The following OR8G5 variants were observed in gnomAD, a reference collection of about 807,000 sequenced individuals.
The protein encoded by OR8G5 is olfactory receptor 8G5.
For missense variants in OR8G5, 347 were observed against 371.9 expected (o/e 0.93, Z 0.55); for synonymous variants, 147 against 147.7 (o/e 1.00, Z 0.03).
intron 1 of OR8G5, among the ~76,000 whole-genome samples, chr11:124,262,686 CACAT>C (rs758856928): frequency 1.3e-5 from 2 of 151,804 alleles, no homozygotes; most frequent in Non-Finnish European, 2.9e-5. Context: ...CACACACACA[CACAT>C]ACACACACAC....
intron 1 of OR8G5, among the ~76,000 whole-genome samples, chr11:124,264,249 C>T (rs1397207106): frequency 6.6e-6 from 1 of 152,134 alleles, no homozygotes; most frequent in Non-Finnish European, 1.5e-5. Context: ...AATTTGAATA[C>T]AAGCACTTTG....
rs1861914802 is a variant in OR8G5, at chr11:124,256,508, G to T, written c.-141G>T. On this transcript the variant is annotated 5_prime_UTR_variant, in exon 1 of 2. It adds an upstream start codon to the 5' untranslated region. Transcript: ENST00000641992. ...AGATGTCTTGTGCTTTGCAGTCTCA[G>T]GACTAAAGACTACAGAACGCTGGCT... 1 of 152,168 alleles carries T rather than the reference G, an allele frequency of 6.6e-6. No individual in the cohort carries two copies. Among genetic ancestry groups the T allele is most frequent in the African/African-American group, 2.4e-5 (1 of 41,426 alleles). 9.4% of individuals were successfully genotyped at this position (152,168 alleles called of 1,614,324 possible).
chr11:124,260,270 C>T (rs910736173), intron 1 of OR8G5, among the ~76,000 whole-genome samples: 10 of 151,816 alleles, frequency 6.6e-5, no homozygotes, highest in African/African-American at 1.2e-4. Flanking sequence ...CTTTTGCAGC[C>T]GCTTGGATGA....
intron 1 of OR8G5, among the ~76,000 whole-genome samples, chr11:124,259,835 T>C (rs903020560): frequency 1.4e-4 from 21 of 152,082 alleles, no homozygotes; most frequent in African/African-American, 5.1e-4. Flanking sequence ...GCCACCTGCC[T>C]GTATAAATTG....
At chr11:124,261,214 G>A (rs1861968207) in intron 1 of OR8G5, among the ~76,000 whole-genome samples, 1 of 114,154 alleles carries the variant, frequency 8.8e-6, no homozygotes, top group Non-Finnish European at 2.1e-5. Context: ...GGAGACTTAA[G>A]TTTGTCTAAT....
In OR8G5 at chr11:124,265,619, T is replaced by G. The variant is rs1838677588; in HGVS notation, c.688T>G (p.Tyr230Asp). ...FIIASILRIR[Y>D]TEGRSKAFST... Reference sequence around the variant, plus strand: ...CATTGCCAGCATCCTCCGCATTCGCTACACTGAGGGCAGGTCCAAAGCCTT... The same window carrying G: ...CATTGCCAGCATCCTCCGCATTCGCGACACTGAGGGCAGGTCCAAAGCCTT... Residue 230 changes from tyrosine to aspartate, a missense_variant, in exon 2 of 2, where the codon TAC becomes GAC. By Grantham distance (160) the Tyr-to-Asp change is radical. Transcript: ENST00000641992. 1 of 1,613,832 alleles carries G rather than the reference T, an allele frequency of 6.2e-7. No homozygotes were observed. The highest frequency in any genetic ancestry group is 1.7e-5 in the Admixed American group (1 of 59,982).
rs1274090753 is a variant in OR8G5 at position 124,266,130 on chromosome 11, C to A, written c.*263C>A. The A allele has an allele frequency of 5.2e-6, 2 of 382,624 alleles. No individual in the cohort carries two copies. The highest frequency in any genetic ancestry group is 9.6e-5 in the East Asian group (2 of 20,794). The allele number at this position is 382,624 out of a possible 1,614,324, so 23.7% of individuals were successfully genotyped here. A position where few individuals can be genotyped will look rare whatever the true frequency, so the allele number is the denominator to read the frequency against. On this transcript the variant is annotated 3_prime_UTR_variant, in exon 2 of 2. Coordinates refer to ENST00000641992, the MANE Select transcript of OR8G5 (RefSeq NM_001005198.2). ...AAATAGTGGCATAACCTGATAATGC[C>A]AGTTACATTCCCTTCCCCCTTTTCT...
Position 124,264,920 on chromosome 11 carries a change from A to T in OR8G5, c.-12A>T. The T allele has an allele frequency of 6.2e-7, 1 of 1,613,564 alleles. No homozygotes were observed. The highest frequency in any genetic ancestry group is 1.1e-5 in the South Asian group (1 of 91,056). On this transcript the variant is annotated splice_region_variant and 5_prime_UTR_variant, in exon 2 of 2. Transcript: ENST00000641992. The stretch of plus-strand genomic sequence containing the variant: ...CATGTTTTTTCTCTCCCCTGCAGAA[A>T]CTCATCAAAGAATGGCAGCAGAAAA...
chr11:124,265,329 GCAT>G lies in OR8G5; in HGVS notation c.405_407del (p.Ile136del). On this transcript the variant is annotated inframe_deletion, in exon 2 of 2. Transcript: ENST00000641992. Reference sequence around the variant, plus strand: ...GCCATCTGTAGCCCCTTGCTGTACAGCATCATCATATCCAATAAGGCTTGCTTT... The same window carrying G: ...GCCATCTGTAGCCCCTTGCTGTACAGCATCATATCCAATAAGGCTTGCTTT... The G allele has an allele frequency of 6.2e-7, 1 of 1,614,028 alleles. No individual in the cohort carries two copies. The highest frequency in any genetic ancestry group is 8.5e-7 in the Non-Finnish European group (1 of 1,179,904).
At chr11:124,256,906 T>TC (rs1211284449) in intron 1 of OR8G5, among the ~76,000 whole-genome samples, 7 of 152,334 alleles carry the variant, frequency 4.6e-5, no homozygotes, top group African/African-American at 1.7e-4. Flanking sequence ...GAGCATGCAG[T>TC]AGAAAGGTCC....
At chr11:124,257,676 C>G (rs1035391027) in intron 1 of OR8G5, among the ~76,000 whole-genome samples, 6 of 152,128 alleles carry the variant, frequency 3.9e-5, no homozygotes, top group Non-Finnish European at 8.8e-5. Context: ...GACTCCCAGT[C>G]TCTTCTCTGG....
In OR8G5 at chr11:124,266,161, G is replaced by C; in HGVS notation, c.*294G>C. 3.4e-6 allele frequency: 1 copy of C among 298,002 alleles called. No homozygotes were observed. The highest frequency in any genetic ancestry group is 6.2e-6 in the Non-Finnish European group (1 of 160,018). 18.5% of individuals were successfully genotyped at this position (298,002 alleles called of 1,614,324 possible). A position where few individuals can be genotyped will look rare whatever the true frequency, so the allele number is the denominator to read the frequency against. ...CATTCCCTTCCCCCTTTTCTTTCAT[G>C]TAATTGATTAAAACATACTCCTCAA... On this transcript the variant is annotated 3_prime_UTR_variant, in exon 2 of 2. Transcript: ENST00000641992.
intron 1 of OR8G5, among the ~76,000 whole-genome samples, chr11:124,261,387 G>A (rs1861969957): frequency 6.6e-6 from 1 of 151,934 alleles, no homozygotes. Flanking sequence ...ATGAAAGGGA[G>A]TGAAAAATAG....
chr11:124,259,181 A>G (rs774125016), intron 1 of OR8G5, among the ~76,000 whole-genome samples: 13 of 151,928 alleles, frequency 8.6e-5, no homozygotes, highest in Non-Finnish European at 1.3e-4. Context: ...TATTTTTCAG[A>G]GAGGTCAGAT....
At position 124,266,070 on chromosome 11, in the gene OR8G5, A is replaced by G. The variant is rs2137763194; in HGVS notation, c.*203A>G. ...CTCATAAGGATTACGAAGACATGATATTTTCTTAGAAGAAATAATAAGATT... is the reference window on the plus strand; with the variant it reads ...CTCATAAGGATTACGAAGACATGATGTTTTCTTAGAAGAAATAATAAGATT... On this transcript the variant is annotated 3_prime_UTR_variant, in exon 2 of 2. Coordinates refer to ENST00000641992, the MANE Select transcript of OR8G5 (RefSeq NM_001005198.2). 1 of 608,106 alleles carries G rather than the reference A, an allele frequency of 1.6e-6. No homozygotes were observed. The highest frequency in any genetic ancestry group is 2.6e-6 in the Non-Finnish European group (1 of 379,610). 37.7% of individuals were successfully genotyped at this position (608,106 alleles called of 1,614,324 possible).
chr11:124,258,768 A>G (rs2466675), intron 1 of OR8G5, among the ~76,000 whole-genome samples: 74,179 of 151,742 alleles, frequency 0.49, 18,771 homozygotes, highest in East Asian at 0.58. Context: ...GATGCCACAG[A>G]CTTCTCTTCA....
At chr11:124,260,756 A>G (rs1861962755) in intron 1 of OR8G5, among the ~76,000 whole-genome samples, 1 of 151,950 alleles carries the variant, frequency 6.6e-6, no homozygotes, top group African/African-American at 2.4e-5. Context: ...AGATGCATAC[A>G]ATGTGTAATG....
Position 124,265,992 on chromosome 11 carries a change from G to A in OR8G5, c.*125G>A, listed in dbSNP as rs955046412. 3.3e-6 allele frequency: 4 copies of A among 1,214,818 alleles called. No homozygotes were observed. Among genetic ancestry groups the A allele is most frequent in the Admixed American group, 2.8e-5 (1 of 35,150 alleles). The allele number at this position is 1,214,818 out of a possible 1,614,324, so 75.3% of individuals were successfully genotyped here. A position where few individuals can be genotyped will look rare whatever the true frequency, so the allele number is the denominator to read the frequency against. On this transcript the variant is annotated 3_prime_UTR_variant, in exon 2 of 2. Transcript: ENST00000641992. ...TCTAATTTGGGGGGATTTTACTGAC[G>A]TTATGTCTTATGCACATGGTCTATT...
chr11:124,260,453 C>T (rs536153885), intron 1 of OR8G5, among the ~76,000 whole-genome samples: 146 of 151,818 alleles, frequency 9.6e-4, no homozygotes, highest in African/African-American at 3.3e-3. Flanking sequence ...ACAACAAACC[C>T]CCATGACACA....
Sources: allele counts gnomAD v4.1 joint callset (sites outside exome capture counted in the v4.1 genomes callset), GRCh38; gene constraint gnomAD v4.1.1; transcripts MANE v1.5; gene names NCBI Gene and HGNC (gene_info 2026-07-23, HGNC 2026-07-21).